Variants in RNF38 observed in about 807,000 individuals in gnomAD.
RNF38 encodes ring finger protein 38.
Under a neutral mutation model 67.2 loss-of-function variants are expected in RNF38, and 15 were observed. The ratio of observed to expected loss-of-function variants is 0.22; its 90% CI spans 0.15 to 0.34. RNF38 has a LOEUF of 0.34. Among genes scored for constraint, RNF38 ranks in the 10% least tolerant of loss-of-function variants. The probability of loss-of-function intolerance (pLI) is 1.00; values close to 1 mark genes in which losing one functional copy is unlikely to be tolerated. For missense variants in RNF38, 524 were observed against 639.9 expected (o/e 0.82, Z 1.95); for synonymous variants, 220 against 218.8 (o/e 1.01, Z -0.05).
At chr9:36,344,797 G>C (rs750739262) in intron 10 of RNF38, 35 bp downstream of exon 10, 3 of 1,594,270 alleles carry the variant, frequency 1.9e-6, no homozygotes, top group Non-Finnish European at 2.6e-6. Context: ...GGTAGAAAAG[G>C]AAATTTAGCA....
rs146674904 is a variant in RNF38 at position 36,470,456 on chromosome 9, T to C, written n.241+16852A>G. Among the ~76,000 whole-genome samples the C allele has an allele frequency of 9.6e-3, 1,464 of 152,250 alleles. 21 individuals are homozygous for C. The highest frequency in any genetic ancestry group is 0.034 in the African/African-American group (1,393 of 41,530). ...ATGAATCTATCACTTACCAATCCTG[T>C]GGGAAAAACAGCACTGCATGCCCTA... On this transcript the variant is annotated intron_variant and non_coding_transcript_variant, in intron 1 of 3. Transcript: ENST00000488058.
At chr9:36,468,492 C>T (rs76845250) in intron 1 of RNF38, among the ~76,000 whole-genome samples, 3,981 of 152,150 alleles carry the variant, frequency 0.026, 74 homozygotes, top group Admixed American at 0.047. Context: ...GATATCCAGC[C>T]CAGATTTCTT....
At chr9:36,363,239 T>C (rs2133679838) in intron 4 of RNF38, among the ~76,000 whole-genome samples, 1 of 100,394 alleles carries the variant, frequency 1.0e-5, no homozygotes, top group East Asian at 2.6e-4. Flanking sequence ...GTGAGAACTT[T>C]TGATGAATAC....
chr9:36,415,132 TA>T (rs1838427356), intron 2 of RNF38, among the ~76,000 whole-genome samples: 1 of 152,238 alleles, frequency 6.6e-6, no homozygotes, highest in Non-Finnish European at 1.5e-5. Context: ...TTCCCTCAAA[TA>T]AGTTTTCCAA....
At chr9:36,382,527 G>C (rs1836288012) in intron 2 of RNF38, among the ~76,000 whole-genome samples, 1 of 152,174 alleles carries the variant, frequency 6.6e-6, no homozygotes, top group Admixed American at 6.5e-5. Flanking sequence ...AATTTTATAT[G>C]TAATATATAT....
intron 3 of RNF38, among the ~76,000 whole-genome samples, chr9:36,371,478 CTT>C (rs1369669952): frequency 5.7e-5 from 8 of 140,334 alleles, no homozygotes; most frequent in Non-Finnish European, 1.1e-4. Context: ...GTGTTTCACT[CTT>C]GTCACCCAGG....
chr9:36,460,162 G>A (rs1234097261), intron 1 of RNF38, among the ~76,000 whole-genome samples: 1 of 152,058 alleles, frequency 6.6e-6, no homozygotes, highest in Non-Finnish European at 1.5e-5. Context: ...CAACTGCCTA[G>A]AAGATACTAA....
chr9:36,347,417 TATTA>T (rs1042429045), intron 9 of RNF38, among the ~76,000 whole-genome samples: 5 of 152,208 alleles, frequency 3.3e-5, no homozygotes, highest in African/African-American at 1.2e-4. Flanking sequence ...TGAGCAAATC[TATTA>T]ATTCAATTTT....
In RNF38 at chr9:36,368,810, G is replaced by T. The variant is rs78873040; in HGVS notation, c.570+909C>A. Among the ~76,000 whole-genome samples, 26 of 151,304 alleles carry T rather than the reference G, an allele frequency of 1.7e-4. No individual in the cohort carries two copies. The East Asian group carries it at 5.1e-3, about 29-fold the overall frequency. ...TTAGCATTCTCTGGTAATTTTTTTT[G>T]GTTTATAAACTCACAAGATTTCCCC... On this transcript the variant is annotated intron_variant, in intron 4 of 11. Transcript: ENST00000259605.
upstream of RNF38, among the ~76,000 whole-genome samples, chr9:36,404,438 A>AAG (rs2134175138): frequency 1.3e-5 from 2 of 152,342 alleles, no homozygotes; most frequent in East Asian, 3.9e-4. Context: ...AAATTATTTC[A>AAG]AAAGAAGGAA....
chr9:36,483,999 C>T (rs1328779150), intron 1 of RNF38, among the ~76,000 whole-genome samples: 2 of 152,116 alleles, frequency 1.3e-5, no homozygotes, highest in Admixed American at 6.6e-5. Context: ...TAAAGTATCA[C>T]GTGGGTCAAA....
At chr9:36,344,774 T>C in intron 10 of RNF38, 58 bp downstream of exon 10, 1 of 1,561,972 alleles carries the variant, frequency 6.4e-7, no homozygotes. Flanking sequence ...CTCTTAAGCT[T>C]TTATTTCATA....
At chr9:36,477,727 CA>C (rs1840153159) in intron 1 of RNF38, among the ~76,000 whole-genome samples, 2 of 148,228 alleles carry the variant, frequency 1.3e-5, no homozygotes, top group Admixed American at 6.9e-5. Context: ...GAGGCTGAGG[CA>C]GGAGAATGGC....
At chr9:36,423,311 G>C (rs1430477227) in intron 2 of RNF38, among the ~76,000 whole-genome samples, 1 of 152,264 alleles carries the variant, frequency 6.6e-6, no homozygotes, top group Admixed American at 6.5e-5. Flanking sequence ...AAATCAGTCT[G>C]AACAAAGCTC....
rs34369319 is a variant in RNF38 at position 36,444,919 on chromosome 9, C to CTTT, written n.242-20239_242-20237dup. ...ATACTGCAGCTTTAAGAGCCATTCT[C>CTTT]TTTTTTTTTTTTTTTTTTGAGACCT... On this transcript the variant is annotated intron_variant and non_coding_transcript_variant, in intron 1 of 3. Coordinates refer to the RNF38 transcript ENST00000488058. Among the ~76,000 whole-genome samples, 90 of 133,386 alleles carry CTTT rather than the reference C, an allele frequency of 6.7e-4. 2 individuals are homozygous for CTTT. Among genetic ancestry groups the CTTT allele is most frequent in the South Asian group, 3.3e-3 (14 of 4,202 alleles). The allele number at this position is 133,386 out of a possible 152,430, so 87.5% of individuals were successfully genotyped here.
intron 1 of RNF38, among the ~76,000 whole-genome samples, chr9:36,393,821 G>T (rs902685856): frequency 1.3e-5 from 2 of 152,118 alleles, no homozygotes; most frequent in African/African-American, 4.8e-5. Flanking sequence ...CTAAGATGTT[G>T]TGAGAAGGCA....
intron 9 of RNF38, among the ~76,000 whole-genome samples, chr9:36,347,597 T>C (rs1005561548): frequency 1.3e-5 from 2 of 152,236 alleles, no homozygotes; most frequent in Non-Finnish European, 2.9e-5. Context: ...GAAAACTTAA[T>C]TGATAAATGT....
intron 1 of RNF38, among the ~76,000 whole-genome samples, chr9:36,478,749 G>T (rs185846913): frequency 4.0e-5 from 6 of 151,258 alleles, no homozygotes; most frequent in Non-Finnish European, 5.9e-5. Flanking sequence ...CCCAGAAGGC[G>T]GAGGTTGCGG....
intron 1 of RNF38, among the ~76,000 whole-genome samples, chr9:36,454,859 A>C (rs1334165711): frequency 2.0e-5 from 3 of 151,166 alleles, no homozygotes; most frequent in African/African-American, 7.3e-5. Flanking sequence ...GCTGGGGTTA[A>C]AGGCGTGAGC....
Sources: allele counts gnomAD v4.1 joint callset (sites outside exome capture counted in the v4.1 genomes callset), GRCh38; gene constraint gnomAD v4.1.1; transcripts MANE v1.5; gene names NCBI Gene and HGNC (gene_info 2026-07-23, HGNC 2026-07-21).